Variants in TRAPPC12 observed in about 807,000 individuals in gnomAD.
The protein encoded by TRAPPC12 is TPR repeat protein 15.
Under a neutral mutation model 69.2 loss-of-function variants are expected in TRAPPC12, and 61 were observed. The observed-to-expected ratio is 0.88, with a 90% CI of 0.72 to 1.09. The LOEUF (loss-of-function observed/expected upper bound fraction) is 1.09. TRAPPC12 is among the 50% of genes least tolerant of loss of function. The pLI is 0.00. For missense variants in TRAPPC12, 1,101 were observed against 1,016.4 expected (o/e 1.08, Z -1.13); for synonymous variants, 469 against 438.9 (o/e 1.07, Z -0.86).
chr2:3,450,001 A>G (rs1314928021), intron 6 of TRAPPC12, among the ~76,000 whole-genome samples: 1 of 151,854 alleles, frequency 6.6e-6, no homozygotes, highest in Middle Eastern at 3.2e-3. Context: ...CAGAAGAAGA[A>G]GAGGGAGCGG....
At chr2:3,468,503 G>A (rs778568821) in intron 9 of TRAPPC12, among the ~76,000 whole-genome samples, 1 of 152,118 alleles carries the variant, frequency 6.6e-6, no homozygotes, top group Non-Finnish European at 1.5e-5. Flanking sequence ...GAAATCCTCT[G>A]TGTCCTGCCT....
intron 5 of TRAPPC12, among the ~76,000 whole-genome samples, chr2:3,440,073 C>T (rs1366832353): frequency 6.6e-6 from 1 of 152,176 alleles, no homozygotes; most frequent in Non-Finnish European, 1.5e-5. Context: ...TAGGACCACA[C>T]AGTCACCCAG....
intron 1 of TRAPPC12, among the ~76,000 whole-genome samples, chr2:3,386,612 A>C (rs1660505423): frequency 6.6e-6 from 1 of 150,382 alleles, no homozygotes; most frequent in African/African-American, 2.4e-5. Flanking sequence ...ATCAGTGCTT[A>C]GTGAGTGTGC....
chr2:3,394,510 A>G (rs1202481725), intron 2 of TRAPPC12, among the ~76,000 whole-genome samples: 2 of 151,940 alleles, frequency 1.3e-5, no homozygotes, highest in South Asian at 2.1e-4. Context: ...AGTCCCAGCT[A>G]CTTGCGAGGC....
In TRAPPC12 at chr2:3,387,683, G is replaced by C. The variant is rs778448235; in HGVS notation, c.60G>C (p.Gln20His). The C allele has an allele frequency of 2.0e-5, 31 of 1,561,244 alleles. No homozygotes were observed. Among genetic ancestry groups the C allele is most frequent in the Non-Finnish European group, 2.6e-5 (30 of 1,153,040 alleles). ...CCCCGGAGGCCCCGCACCCCCCTCAGCTCGCGCCTCCGGAGGAGCAGGGGT... is the reference window on the plus strand; with the variant it reads ...CCCCGGAGGCCCCGCACCCCCCTCACCTCGCGCCTCCGGAGGAGCAGGGGT... ...TPAPEAPHPP[Q>H]LAPPEEQGLL... The change falls in exon 2 of 12, where the codon CAG (glutamine) becomes CAC (histidine). Residue 20 changes from glutamine to histidine, a missense_variant. Gln to His is a conservative substitution (Grantham distance 24). Coordinates refer to ENST00000324266, the MANE Select transcript of TRAPPC12 (RefSeq NM_016030.6).
At chr2:3,382,550 G>A (rs892294118) in intron 1 of TRAPPC12, among the ~76,000 whole-genome samples, 2 of 152,146 alleles carry the variant, frequency 1.3e-5, no homozygotes, top group African/African-American at 4.8e-5. Context: ...ATCTAGCAGT[G>A]GAATTGCTAG....
intron 3 of TRAPPC12, among the ~76,000 whole-genome samples, chr2:3,413,228 T>C (rs1369397512): frequency 6.6e-6 from 1 of 152,254 alleles, no homozygotes; most frequent in African/African-American, 2.4e-5. Context: ...CTTTTTGTAC[T>C]GCTTCCATTT....
At chr2:3,412,543 A>C (rs1476728783) in intron 3 of TRAPPC12, among the ~76,000 whole-genome samples, 1 of 152,208 alleles carries the variant, frequency 6.6e-6, no homozygotes, top group Non-Finnish European at 1.5e-5. Flanking sequence ...CCTGGGTGAC[A>C]ACAGCAAAAC....
At chr2:3,398,826 C>T (rs10204775) in intron 2 of TRAPPC12, among the ~76,000 whole-genome samples, 1,797 of 152,336 alleles carry the variant, frequency 0.012, 27 homozygotes, top group African/African-American at 0.041. Context: ...GTGTTTCCTT[C>T]GTGTTCCCTG....
At position 3,402,358 on chromosome 2, in the gene TRAPPC12, A is replaced by G. The variant is rs568820012; in HGVS notation, c.1164+465A>G. Among the ~76,000 whole-genome samples the G allele has an allele frequency of 1.1e-3, 165 of 152,288 alleles. 1 individual carries two copies. The highest frequency in any genetic ancestry group is 2.6e-3 in the African/African-American group (108 of 41,562). On this transcript the variant is annotated intron_variant, in intron 3 of 11. Coordinates refer to ENST00000324266, the MANE Select transcript of TRAPPC12 (RefSeq NM_016030.6). ...TGTAATCCCAGCACTTTGGGAGGCC[A>G]AGGCGGGCAGATCACAAGGTCAGGA...
chr2:3,428,159 G>A (rs1663222008), intron 5 of TRAPPC12, among the ~76,000 whole-genome samples: 2 of 152,174 alleles, frequency 1.3e-5, no homozygotes, highest in Admixed American at 1.3e-4. Context: ...GTTCAGTCAA[G>A]CCTAGAAAAC....
chr2:3,412,054 T>C (rs1184342265), intron 3 of TRAPPC12, among the ~76,000 whole-genome samples: 1 of 152,226 alleles, frequency 6.6e-6, no homozygotes, highest in Non-Finnish European at 1.5e-5. Context: ...TGTGGTTAAT[T>C]AAGCATTAGT....
rs1189832932 is a variant in TRAPPC12, at chr2:3,388,005, G to A, written c.382G>A (p.Gly128Arg). ...CCCCGAGGACGCGGCACCCAGTAGC[G>A]GAGGGGCCCCGAGGCAGGACGCGGC... ...CAPEDAAPSS[G>R]GAPRQDAARE... Residue 128 changes from glycine to arginine, a missense_variant, in exon 2 of 12, where the codon GGA (glycine) becomes AGA (arginine). Coordinates refer to ENST00000324266, the MANE Select transcript of TRAPPC12 (RefSeq NM_016030.6). The A allele has an allele frequency of 8.8e-6, 13 of 1,470,762 alleles. No individual in the cohort carries two copies. In the South Asian group the frequency reaches 1.1e-4, roughly 12 times the overall value. 91.1% of individuals were successfully genotyped at this position (1,470,762 alleles called of 1,614,324 possible). A position where few individuals can be genotyped will look rare whatever the true frequency, so the allele number is the denominator to read the frequency against.
intron 2 of TRAPPC12, among the ~76,000 whole-genome samples, chr2:3,396,150 C>A (rs1572093424): frequency 6.6e-6 from 1 of 152,210 alleles, no homozygotes; most frequent in Non-Finnish European, 1.5e-5. Flanking sequence ...CAGGCATGAG[C>A]CACCATGCCC....
At chr2:3,438,541 CCA>C (rs1664011051) in intron 5 of TRAPPC12, among the ~76,000 whole-genome samples, 1 of 141,404 alleles carries the variant, frequency 7.1e-6, no homozygotes, top group African/African-American at 2.7e-5. Flanking sequence ...GGGTTAATCC[CCA>C]CCACCCGTGG....
chr2:3,447,884 G>A (rs553738208), intron 6 of TRAPPC12, among the ~76,000 whole-genome samples: 1 of 152,112 alleles, frequency 6.6e-6, no homozygotes, highest in Non-Finnish European at 1.5e-5. Flanking sequence ...CACAACTCCA[G>A]GAAATCCTCA....
intron 3 of TRAPPC12, among the ~76,000 whole-genome samples, chr2:3,409,282 T>C (rs76473494): frequency 6.6e-6 from 1 of 152,212 alleles, no homozygotes; most frequent in Non-Finnish European, 1.5e-5. Flanking sequence ...AACAAAAATA[T>C]TCCTGTGCCT....
intron 3 of TRAPPC12, among the ~76,000 whole-genome samples, chr2:3,402,662 A>T (rs1212321495): frequency 2.0e-5 from 3 of 152,242 alleles, no homozygotes; most frequent in African/African-American, 7.2e-5. Context: ...TTTGTTTCCA[A>T]TGAATTTATA....
At chr2:3,445,641 G>T (rs772683861) in intron 6 of TRAPPC12, among the ~76,000 whole-genome samples, 1 of 152,208 alleles carries the variant, frequency 6.6e-6, no homozygotes, top group Non-Finnish European at 1.5e-5. Context: ...ATTTACAGAT[G>T]GGGAAACTGA....
Sources: gnomAD v4.1 joint callset for allele counts (sites outside exome capture counted in the v4.1 genomes callset) on GRCh38, gnomAD v4.1.1 for gene constraint, MANE v1.5 for transcripts, NCBI Gene and HGNC (gene_info 2026-07-23, HGNC 2026-07-21) for gene names.